The following NKAIN1 variants were observed in gnomAD, a reference collection of about 807,000 sequenced individuals.
NKAIN1 encodes the protein sodium/potassium transporting ATPase interacting 1.
A neutral mutation model predicts 31.6 loss-of-function variants in NKAIN1; 13 were observed. That is an observed-to-expected ratio of 0.41 (90% CI 0.27 to 0.65). The LOEUF is 0.65. NKAIN1 is among the 30% of genes least tolerant of loss of function. NKAIN1 has a pLI of 0.30. For missense variants in NKAIN1, 193 were observed against 262.2 expected (o/e 0.74, Z 1.82); for synonymous variants, 104 against 109.0 (o/e 0.95, Z 0.28).
At position 31,231,721 on chromosome 1, in the gene NKAIN1, A is replaced by G. The variant is rs56776005; in HGVS notation, c.54+7773T>C. Among the ~76,000 whole-genome samples, 1,479 of 150,594 alleles carry G rather than the reference A, an allele frequency of 9.8e-3. 14 individuals are homozygous for G. The highest frequency in any genetic ancestry group is 0.029 in the East Asian group (144 of 4,996). On this transcript the variant is annotated intron_variant, in intron 1 of 6. Transcript: ENST00000373736. ...AATTTTTTGTATTTTTAGTAGAGACAGGGTTTCACAGTGTTAGCCAGGATG... is the reference window on the plus strand; with the variant it reads ...AATTTTTTGTATTTTTAGTAGAGACGGGGTTTCACAGTGTTAGCCAGGATG...
chr1:31,197,468 A>G (rs144278718), intron 1 of NKAIN1, among the ~76,000 whole-genome samples: 1 of 150,878 alleles, frequency 6.6e-6, no homozygotes, highest in Admixed American at 6.6e-5. Flanking sequence ...GGTTGGTCTC[A>G]AACTCCTGAC....
Position 31,188,293 on chromosome 1 carries a change from G to A in NKAIN1, c.55-106C>T, listed in dbSNP as rs1035104286. The A allele has an allele frequency of 1.0e-5, 13 of 1,259,456 alleles. No individual in the cohort carries two copies. In the African/African-American group the frequency reaches 1.6e-4, roughly 16 times the overall value. The allele number at this position is 1,259,456 out of a possible 1,614,324, so 78.0% of individuals were successfully genotyped here. A position where few individuals can be genotyped will look rare whatever the true frequency, so the allele number is the denominator to read the frequency against. The stretch of plus-strand genomic sequence containing the variant: ...GTGGCACCAGTTACCATGGTGATGA[G>A]GCATAAGCCTCAGAACAATCCAGTC... On this transcript the variant is annotated intron_variant, in intron 1 of 6. Transcript: ENST00000373736.
intron 1 of NKAIN1, among the ~76,000 whole-genome samples, chr1:31,232,432 G>T (rs868768556): frequency 0.1 from 2,388 of 22,936 alleles, 23 homozygotes; most frequent in Middle Eastern, 0.18. Flanking sequence ...TATAGAGAGA[G>T]AGAGAGAGAG....
In NKAIN1 at chr1:31,228,965, T is replaced by G. The variant is rs116519867; in HGVS notation, c.54+10529A>C. ...TATCAGCCCCCACCCCTGCAGAGCCTCTGGAGGGTCTGAAAGCTGCTAACA... is the reference window on the plus strand; with the variant it reads ...TATCAGCCCCCACCCCTGCAGAGCCGCTGGAGGGTCTGAAAGCTGCTAACA... On this transcript the variant is annotated intron_variant, in intron 1 of 6. Coordinates refer to ENST00000373736, the MANE Select transcript of NKAIN1 (RefSeq NM_024522.3). Among the ~76,000 whole-genome samples the G allele has an allele frequency of 5.1e-3, 777 of 152,204 alleles. 6 individuals are homozygous for G. The highest frequency in any genetic ancestry group is 0.017 in the African/African-American group (717 of 41,518).
rs1291086961 is a variant in NKAIN1, at chr1:31,239,622, G to C, written c.-75C>G. On this transcript the variant is annotated 5_prime_UTR_variant, in exon 1 of 7. Coordinates refer to ENST00000373736, the MANE Select transcript of NKAIN1 (RefSeq NM_024522.3). This position sits in a 1 kb window ranked among gnomAD's most constrained non-coding sequence, Gnocchi z 4.8. ...CGGCCGCCGCCTGCTCGCGCCGCGC[G>C]GGCTCCACGTCCTCCCCGCTGGGCG... 8 of 858,560 alleles carry C rather than the reference G, an allele frequency of 9.3e-6. No individual in the cohort carries two copies. The highest frequency in any genetic ancestry group is 1.1e-5 in the Non-Finnish European group (8 of 697,308). 53.2% of individuals were successfully genotyped at this position (858,560 alleles called of 1,614,324 possible).
intron 1 of NKAIN1, among the ~76,000 whole-genome samples, chr1:31,225,046 T>TTTTTTTTTTTTTTTTTTTTTTTG: frequency 6.7e-6 from 1 of 148,706 alleles, no homozygotes; most frequent in African/African-American, 2.5e-5. Flanking sequence ...TTTTTTTTTT[T>TTTTTTTTTTTTTTTTTTTTTTTG]GAGACGGACT....
At chr1:31,196,860 A>G (rs1038523206) in intron 1 of NKAIN1, among the ~76,000 whole-genome samples, 1 of 152,146 alleles carries the variant, frequency 6.6e-6, no homozygotes, top group Non-Finnish European at 1.5e-5. Flanking sequence ...CAGAGGCAGG[A>G]TGACCTAGTG....
At chr1:31,188,311 A>G in intron 1 of NKAIN1, 124 bp from the exon 2 acceptor site, 1 of 1,050,774 alleles carries the variant, frequency 9.5e-7, no homozygotes. Flanking sequence ...CCTCAGAACA[A>G]TCCAGTCCTT....
chr1:31,181,722 A>C lies in NKAIN1; in HGVS notation c.615-10T>G, dbSNP rs1019229205. 3.1e-5 allele frequency: 46 copies of C among 1,495,262 alleles called. No homozygotes were observed. Among genetic ancestry groups the C allele is most frequent in the Non-Finnish European group, 4.0e-5 (45 of 1,116,394 alleles). 92.6% of individuals were successfully genotyped at this position (1,495,262 alleles called of 1,614,324 possible). ...CAGAGGCTACCCCGACCTGCGGGAAACAAAGGCAGGTTAGGGAGAGTGGAT... is the reference window on the plus strand; with the variant it reads ...CAGAGGCTACCCCGACCTGCGGGAACCAAAGGCAGGTTAGGGAGAGTGGAT... On this transcript the variant is annotated splice_polypyrimidine_tract_variant and intron_variant, in intron 6 of 6. Coordinates refer to ENST00000373736, the MANE Select transcript of NKAIN1 (RefSeq NM_024522.3).
intron 1 of NKAIN1, among the ~76,000 whole-genome samples, chr1:31,225,651 C>G (rs1412125682): frequency 6.6e-6 from 1 of 151,178 alleles, no homozygotes; most frequent in Admixed American, 6.8e-5. Flanking sequence ...CTTCAGTTTT[C>G]CCAGCTACAT....
chr1:31,188,398 G>A (rs988478937), intron 1 of NKAIN1: 5 of 553,622 alleles, frequency 9.0e-6, no homozygotes, highest in Non-Finnish European at 1.3e-5. Flanking sequence ...TAGGAGTGAG[G>A]GTTCAGAACA....
intron 1 of NKAIN1, among the ~76,000 whole-genome samples, chr1:31,223,601 C>T (rs374461247): frequency 1.5e-4 from 23 of 152,072 alleles, no homozygotes; most frequent in South Asian, 6.2e-4. Context: ...CCTGCCACCA[C>T]ACCCAGCTAA....
At position 31,180,582 on chromosome 1, in the gene NKAIN1, C is replaced by G. The variant is rs1484406489; in HGVS notation, c.*1121G>C. On this transcript the variant is annotated 3_prime_UTR_variant, in exon 7 of 7. Transcript: ENST00000373736. ...CTGGGCAGCGCTGACCAGCATTGCTCCTCTCTGAAACCACAAGCCTTCCAA... is the reference window on the plus strand; with the variant it reads ...CTGGGCAGCGCTGACCAGCATTGCTGCTCTCTGAAACCACAAGCCTTCCAA... 1 of 152,402 alleles carries G rather than the reference C, an allele frequency of 6.6e-6. No homozygotes were observed. The highest frequency in any genetic ancestry group is 2.1e-4 in the South Asian group (1 of 4,826). 9.4% of individuals were successfully genotyped at this position (152,402 alleles called of 1,614,324 possible). A position where few individuals can be genotyped will look rare whatever the true frequency, so the allele number is the denominator to read the frequency against.
chr1:31,223,221 C>T (rs996394835), intron 1 of NKAIN1, among the ~76,000 whole-genome samples: 22 of 151,828 alleles, frequency 1.4e-4, no homozygotes, highest in African/African-American at 5.3e-4. Flanking sequence ...TACTAAAATA[C>T]AAAAATTAGC....
At chr1:31,183,714 C>G (rs1645220798) in intron 4 of NKAIN1, 103 bp downstream of exon 4, 1 of 1,247,490 alleles carries the variant, frequency 8.0e-7, no homozygotes, top group Admixed American at 2.1e-5. Context: ...TCCCAAAGTG[C>G]TGGGATTGCA....
At chr1:31,222,038 C>A (rs980494032) in intron 1 of NKAIN1, among the ~76,000 whole-genome samples, 4 of 152,140 alleles carry the variant, frequency 2.6e-5, no homozygotes, top group Non-Finnish European at 4.4e-5. Flanking sequence ...ACCACCACAC[C>A]TGGCTAATTT....
In NKAIN1 at chr1:31,221,181, G is replaced by A. The variant is rs190146221; in HGVS notation, c.54+18313C>T. ...GAGGCAGGCACAGCAAATGGCAAAG[G>A]CTCTGAGGTGTGAAACAACCCAGGG... is the stretch of plus-strand genomic sequence containing the variant. On this transcript the variant is annotated intron_variant, in intron 1 of 6. Coordinates refer to ENST00000373736, the MANE Select transcript of NKAIN1 (RefSeq NM_024522.3). 2.6e-4 allele frequency among the ~76,000 whole-genome samples: 40 copies of A among 152,254 alleles called. No homozygotes were observed. The East Asian group carries it at 7.3e-3, about 28-fold the overall frequency.
intron 1 of NKAIN1, among the ~76,000 whole-genome samples, chr1:31,225,033 C>CTTTTCTTTTTTTTTTCTTT (rs542671307): frequency 8.9e-6 from 1 of 112,132 alleles, no homozygotes. Flanking sequence ...CTTTTCTTTT[C>CTTTTCTTTTTTTTTTCTTT]TTTTTTTTTT....
rs1645666268 is a variant in NKAIN1, at chr1:31,233,029, A to G, written c.54+6465T>C. Among the ~76,000 whole-genome samples, 1 of 152,010 alleles carries G rather than the reference A, an allele frequency of 6.6e-6. No individual in the cohort carries two copies. Among genetic ancestry groups the G allele is most frequent in the Admixed American group, 6.6e-5 (1 of 15,244 alleles). On this transcript the variant is annotated intron_variant, in intron 1 of 6. Coordinates refer to ENST00000373736, the MANE Select transcript of NKAIN1 (RefSeq NM_024522.3). This position sits in a 1 kb window ranked among gnomAD's most constrained non-coding sequence, Gnocchi z 4.0. ...TATCACAGCTCCTTGGCACACTGCA[A>G]CCTCCGCCTCCCAGGTTCAAATGAT...
Sources: gnomAD v4.1 joint callset for allele counts (sites outside exome capture counted in the v4.1 genomes callset) on GRCh38, gnomAD v4.1.1 for gene constraint, Gnocchi (gnomAD v3.1) non-coding constraint, MANE v1.5 for transcripts, NCBI Gene and HGNC (gene_info 2026-07-23, HGNC 2026-07-21) for gene names.